The following NR3C2 variants were observed in gnomAD, a reference collection of about 807,000 sequenced individuals.
NR3C2 encodes the protein nuclear receptor subfamily 3 group C member 2.
Under a neutral mutation model 86.4 loss-of-function variants are expected in NR3C2, and 15 were observed. The ratio of observed to expected loss-of-function variants is 0.17; its 90% CI spans 0.12 to 0.27. The LOEUF is 0.27. NR3C2 is among the 10% of genes least tolerant of loss of function. The probability of loss-of-function intolerance (pLI) is 1.00; values close to 1 mark genes in which losing one functional copy is unlikely to be tolerated. For missense variants in NR3C2, 960 were observed against 1,195.6 expected, an observed-to-expected ratio of 0.80 and a Z score of 2.91; for synonymous variants, 458 against 450.5, an observed-to-expected ratio of 1.02 and a Z score of -0.21.
At chr4:148,370,748 T>C (rs1175022825) in intron 2 of NR3C2, among the ~76,000 whole-genome samples, 4 of 152,190 alleles carry the variant, frequency 2.6e-5, no homozygotes, top group Non-Finnish European at 5.9e-5. Context: ...GGATCCATTT[T>C]ACCAGTAAGT....
rs148626150 is a variant in NR3C2, at chr4:148,310,591, T to C, written c.1758-50474A>G. ...GCTGGGCCTGTGTATTCTGTTCCCT[T>C]GGGTTTCTACAGATGATCCAAAGAT... On this transcript the variant is annotated intron_variant, in intron 2 of 8. Coordinates refer to ENST00000358102, the MANE Select transcript of NR3C2 (RefSeq NM_000901.5). Among the ~76,000 whole-genome samples, 8 of 152,292 alleles carry C rather than the reference T, an allele frequency of 5.3e-5. 1 individual carries two copies. Among genetic ancestry groups the C allele is most frequent in the African/African-American group, 1.9e-4 (8 of 41,548 alleles).
At chr4:148,088,557 C>T (rs1388193472) in intron 8 of NR3C2, among the ~76,000 whole-genome samples, 1 of 147,368 alleles carries the variant, frequency 6.8e-6, no homozygotes, top group Non-Finnish European at 1.5e-5. Context: ...AGTTCATGTC[C>T]TTTGCAGGGA....
chr4:148,424,793 G>T (rs1579283038), intron 2 of NR3C2, among the ~76,000 whole-genome samples: 1 of 152,110 alleles, frequency 6.6e-6, no homozygotes. Flanking sequence ...TTGACCAAGA[G>T]AATTTTAGTG....
intron 4 of NR3C2, among the ~76,000 whole-genome samples, chr4:148,178,532 T>C (rs1284626497): frequency 1.3e-5 from 2 of 151,600 alleles, no homozygotes; most frequent in Non-Finnish European, 2.9e-5. Context: ...CTGTTATGGG[T>C]TTGTAGTAGA....
chr4:148,334,318 G>T (rs900613251), intron 2 of NR3C2, among the ~76,000 whole-genome samples: 4 of 152,188 alleles, frequency 2.6e-5, no homozygotes, highest in Non-Finnish European at 4.4e-5. Flanking sequence ...CTAGGTGGGT[G>T]GATCACCTGA....
chr4:148,395,338 T>G (rs1022284394), intron 2 of NR3C2, among the ~76,000 whole-genome samples: 9 of 152,152 alleles, frequency 5.9e-5, no homozygotes, highest in African/African-American at 2.2e-4. Context: ...TGGACTTTTT[T>G]GGGGCAGCAA....
chr4:148,240,002 T>C (rs1738941502), intron 3 of NR3C2, among the ~76,000 whole-genome samples: 1 of 151,940 alleles, frequency 6.6e-6, no homozygotes, highest in South Asian at 2.1e-4. Context: ...TGTGTGTGCG[T>C]GTGTGGGGGG....
intron 2 of NR3C2, among the ~76,000 whole-genome samples, chr4:148,410,869 G>A (rs1247444705): frequency 6.6e-6 from 1 of 152,094 alleles, no homozygotes; most frequent in Non-Finnish European, 1.5e-5. Flanking sequence ...CAGGAGTAGT[G>A]ACAAAAATAT....
intron 3 of NR3C2, among the ~76,000 whole-genome samples, chr4:148,203,700 C>T (rs939963516): frequency 5.2e-5 from 7 of 135,426 alleles, no homozygotes; most frequent in Middle Eastern, 3.8e-3. Flanking sequence ...TGAGTTAAGA[C>T]GGTGTCCAAC....
At chr4:148,302,660 C>T (rs931987430) in intron 2 of NR3C2, among the ~76,000 whole-genome samples, 4 of 151,778 alleles carry the variant, frequency 2.6e-5, no homozygotes, top group Middle Eastern at 3.2e-3. Context: ...TTGGTAAAAC[C>T]GGCCTCATAC....
chr4:148,163,230 G>C (rs181263709), intron 4 of NR3C2, among the ~76,000 whole-genome samples: 35 of 152,312 alleles, frequency 2.3e-4, no homozygotes, highest in Non-Finnish European at 3.8e-4. Context: ...AAAATTCTAA[G>C]ATAATAGGTA....
intron 8 of NR3C2, among the ~76,000 whole-genome samples, chr4:148,096,290 T>C (rs1245454693): frequency 1.3e-5 from 2 of 152,234 alleles, no homozygotes; most frequent in Non-Finnish European, 2.9e-5. Context: ...TTACTGTATA[T>C]AGAAGTATGA....
At chr4:148,122,690 A>G (rs1180110890) in intron 6 of NR3C2, among the ~76,000 whole-genome samples, 1 of 152,208 alleles carries the variant, frequency 6.6e-6, no homozygotes, top group Non-Finnish European at 1.5e-5. Flanking sequence ...GCAGAGGAAC[A>G]TAAATTGTGA....
intron 8 of NR3C2, among the ~76,000 whole-genome samples, chr4:148,109,351 C>T (rs1731943983): frequency 6.6e-6 from 1 of 152,196 alleles, no homozygotes; most frequent in Non-Finnish European, 1.5e-5. Context: ...CCTCCTATGA[C>T]ACTGCCTGGC....
chr4:148,417,056 C>T (rs13104077), intron 2 of NR3C2, among the ~76,000 whole-genome samples: 42,830 of 152,052 alleles, frequency 0.28, 7,368 homozygotes, highest in East Asian at 0.54. Flanking sequence ...GGATTACAGG[C>T]GTGAGCCACC....
intron 8 of NR3C2, among the ~76,000 whole-genome samples, chr4:148,089,654 C>CT (rs11440077): frequency 3.4e-3 from 517 of 151,418 alleles, no homozygotes; most frequent in African/African-American, 8.0e-3. Flanking sequence ...ATGGGAGAAC[C>CT]TTTTTTTTTG....
At chr4:148,316,998 G>A (rs1020721695) in intron 2 of NR3C2, among the ~76,000 whole-genome samples, 2 of 152,076 alleles carry the variant, frequency 1.3e-5, no homozygotes, top group East Asian at 3.9e-4. Flanking sequence ...TCGCTATGTT[G>A]CCCAGGCTGG....
intron 4 of NR3C2, among the ~76,000 whole-genome samples, chr4:148,184,225 C>A (rs947397516): frequency 6.6e-6 from 1 of 151,012 alleles, no homozygotes; most frequent in Non-Finnish European, 1.5e-5. Flanking sequence ...ACAAGGTGGG[C>A]GGATCACAAG....
intron 2 of NR3C2, among the ~76,000 whole-genome samples, chr4:148,356,473 G>A (rs183633341): frequency 6.6e-6 from 1 of 152,254 alleles, no homozygotes; most frequent in Non-Finnish European, 1.5e-5. Context: ...TTTCTGTAGT[G>A]CCATTCATAA....
Sources: allele counts gnomAD v4.1 joint callset (sites outside exome capture counted in the v4.1 genomes callset), GRCh38; gene constraint gnomAD v4.1.1; transcripts MANE v1.5; gene names NCBI Gene and HGNC (gene_info 2026-07-23, HGNC 2026-07-21).